Variants in NGEF observed in about 807,000 individuals in gnomAD.
NGEF encodes neuronal guanine nucleotide exchange factor.
In NGEF, 31 loss-of-function variants were observed where a neutral mutation model predicts 80.9. The ratio of observed to expected loss-of-function variants is 0.38; its 90% CI spans 0.29 to 0.52. The LOEUF is 0.52. Among genes scored for constraint, NGEF ranks in the 20% least tolerant of loss-of-function variants. The probability of loss-of-function intolerance (pLI) is 0.84; values close to 1 mark genes in which losing one functional copy is unlikely to be tolerated. For synonymous variants in NGEF, 371 were observed against 370.2 expected, an observed-to-expected ratio of 1.00 and a Z score of -0.03; for missense variants, 709 against 926.2, an observed-to-expected ratio of 0.77 and a Z score of 3.04.
chr2:232,909,326 T>C (rs1027676843), intron 5 of NGEF, among the ~76,000 whole-genome samples: 1 of 152,218 alleles, frequency 6.6e-6, no homozygotes, highest in African/African-American at 2.4e-5. Context: ...TATGAAATTT[T>C]GGCCCCAAAC....
At chr2:232,982,170 A>C (rs113732002) in intron 1 of NGEF, among the ~76,000 whole-genome samples, 8,715 of 152,244 alleles carry the variant, frequency 0.057, 371 homozygotes, top group Non-Finnish European at 0.084. Flanking sequence ...GCACAAGGGC[A>C]GCTGCTGCCC....
chr2:232,992,710 G>C (rs537441056), intron 1 of NGEF, among the ~76,000 whole-genome samples: 175 of 151,954 alleles, frequency 1.2e-3, no homozygotes, highest in African/African-American at 4.1e-3. Context: ...TACGGGGCTG[G>C]GAACAGTGGC....
chr2:232,955,595 C>A (rs545637314), intron 3 of NGEF, among the ~76,000 whole-genome samples: 1 of 152,130 alleles, frequency 6.6e-6, no homozygotes, highest in African/African-American at 2.4e-5. Flanking sequence ...GCGATCTCAC[C>A]GCAGCCTCCA....
chr2:232,925,192 T>C (rs1253721283), intron 4 of NGEF, among the ~76,000 whole-genome samples: 1 of 152,212 alleles, frequency 6.6e-6, no homozygotes, highest in Non-Finnish European at 1.5e-5. Context: ...CCTGCTTTCC[T>C]TCCCCATTAA....
At chr2:232,989,972 A>G (rs773704898) in intron 1 of NGEF, among the ~76,000 whole-genome samples, 4 of 152,204 alleles carry the variant, frequency 2.6e-5, no homozygotes, top group African/African-American at 7.2e-5. Context: ...GACTGTGTAC[A>G]TTTAAACATG....
intron 5 of NGEF, among the ~76,000 whole-genome samples, chr2:232,917,842 C>T (rs1436360789): frequency 2.6e-5 from 4 of 152,018 alleles, no homozygotes; most frequent in African/African-American, 7.3e-5. Flanking sequence ...GGCACCATCT[C>T]GGCGCACTGC....
intron 3 of NGEF, among the ~76,000 whole-genome samples, chr2:232,937,795 A>G (rs912055800): frequency 2.6e-5 from 4 of 152,190 alleles, no homozygotes; most frequent in African/African-American, 9.7e-5. Flanking sequence ...TCTTGGGTCA[A>G]TGATGTTTCT....
chr2:232,901,476 T>C, intron 5 of NGEF: 1 of 969,808 alleles, frequency 1.0e-6, no homozygotes, highest in Non-Finnish European at 1.2e-6. Context: ...AAATCACTGC[T>C]GTCTCTGATG....
intron 1 of NGEF, among the ~76,000 whole-genome samples, chr2:232,981,483 C>T (rs745409527): frequency 2.6e-5 from 4 of 152,088 alleles, no homozygotes; most frequent in Non-Finnish European, 5.9e-5. Context: ...GGGATAACAT[C>T]ACTATTGTAA....
At chr2:232,886,318 CTG>C (rs1160800757) in intron 9 of NGEF, among the ~76,000 whole-genome samples, 2 of 149,312 alleles carry the variant, frequency 1.3e-5, no homozygotes. Flanking sequence ...GTGGTATGTG[CTG>C]TGTGTGTGTG....
rs143855906 is a variant in NGEF at position 232,947,291 on chromosome 2, G to A, written c.384-20105C>T. The stretch of plus-strand genomic sequence containing the variant: ...CACATCACCCGGATGCAGTCTCGCT[G>A]AAAATGTTTAACCTGAATCCAATCA... On this transcript the variant is annotated intron_variant, in intron 3 of 14. Transcript: ENST00000264051. Among the ~76,000 whole-genome samples the A allele has an allele frequency of 1.1e-3, 173 of 152,206 alleles. 1 individual carries two copies. The highest frequency in any genetic ancestry group is 2.0e-3 in the Non-Finnish European group (135 of 68,042).
intron 3 of NGEF, among the ~76,000 whole-genome samples, chr2:232,929,965 C>T (rs1693185568): frequency 6.6e-6 from 1 of 152,160 alleles, no homozygotes; most frequent in Admixed American, 6.5e-5. Flanking sequence ...ACCCCTTTTG[C>T]TTGGATCTCA....
intron 1 of NGEF, among the ~76,000 whole-genome samples, chr2:232,995,632 A>ATG: frequency 3.9e-5 from 3 of 76,576 alleles, no homozygotes; most frequent in African/African-American, 8.7e-5. Context: ...TGTATACTGT[A>ATG]TATATGTATT....
intron 2 of NGEF, among the ~76,000 whole-genome samples, chr2:232,970,606 A>G (rs1338318702): frequency 1.3e-5 from 2 of 152,112 alleles, no homozygotes; most frequent in African/African-American, 4.8e-5. Context: ...AGGTGGGCAG[A>G]TCACCTGAGG....
At chr2:232,956,104 C>T (rs1204891413) in intron 3 of NGEF, among the ~76,000 whole-genome samples, 1 of 152,128 alleles carries the variant, frequency 6.6e-6, no homozygotes, top group East Asian at 1.9e-4. Context: ...CCGCTCCTTT[C>T]CTTGTAAATA....
chr2:232,980,665 C>T (rs905757434), intron 1 of NGEF, among the ~76,000 whole-genome samples: 24 of 152,096 alleles, frequency 1.6e-4, no homozygotes, highest in Admixed American at 9.8e-4. Flanking sequence ...TGCCTGGCTA[C>T]GTTTTTCTTT....
chr2:232,896,986 T>A (rs1574998337), intron 5 of NGEF, among the ~76,000 whole-genome samples: 1 of 82,990 alleles, frequency 1.2e-5, no homozygotes, highest in African/African-American at 5.1e-5. Flanking sequence ...GGGTTAAGGG[T>A]GAGGTAGGGG....
chr2:232,943,167 C>CT (rs1162352978), intron 3 of NGEF, among the ~76,000 whole-genome samples: 2 of 151,796 alleles, frequency 1.3e-5, no homozygotes, highest in Non-Finnish European at 2.9e-5. Flanking sequence ...TCCTTCCTTC[C>CT]TTTTTTTGTG....
rs151288390 is a variant in NGEF at position 232,900,336 on chromosome 2, TCA to T, written c.829-5422_829-5421del. 4.1e-4 allele frequency among the ~76,000 whole-genome samples: 26 copies of T among 63,288 alleles called. 2 individuals are homozygous for T. The South Asian group carries it at 8.4e-3, about 20-fold the overall frequency. The allele number at this position is 63,288 out of a possible 152,430, so 41.5% of individuals were successfully genotyped here. A position where few individuals can be genotyped will look rare whatever the true frequency, so the allele number is the denominator to read the frequency against. On this transcript the variant is annotated intron_variant, in intron 5 of 14. Coordinates refer to ENST00000264051, the MANE Select transcript of NGEF (RefSeq NM_019850.3). ...CACTCACATTCACTCACACACGCTC[TCA>T]CAGTCACTCATACACGTTCACTCAC...
Sources: gnomAD v4.1 joint callset for allele counts (sites outside exome capture counted in the v4.1 genomes callset) on GRCh38, gnomAD v4.1.1 for gene constraint, MANE v1.5 for transcripts, NCBI Gene and HGNC (gene_info 2026-07-23, HGNC 2026-07-21) for gene names.